ARVCF: variants seen among roughly 807,000 people sequenced by gnomAD.
ARVCF encodes the protein splicing regulator ARVCF.
ARVCF carries 66 observed loss-of-function variants against 90.9 expected under a neutral mutation model. The observed-to-expected ratio is 0.73, with a 90% CI of 0.60 to 0.89. The LOEUF (loss-of-function observed/expected upper bound fraction) is 0.89, where lower values mean the gene tolerates loss of function less well. ARVCF is among the 40% of genes least tolerant of loss of function. ARVCF has a pLI of 0.00. For missense variants in ARVCF, 1,469 were observed against 1,382.3 expected (o/e 1.06, Z -1.00); for synonymous variants, 653 against 603.4 (o/e 1.08, Z -1.21).
chr22:20,003,864 A>C (rs1944526392), intron 2 of ARVCF, among the ~76,000 whole-genome samples: 1 of 134,208 alleles, frequency 7.5e-6, no homozygotes, highest in Non-Finnish European at 1.5e-5. Context: ...GAAGTTTTAG[A>C]CAGAGTAATT....
chr22:19,974,383 A>G (rs1943030195), intron 11 of ARVCF, 144 bp from the exon 12 acceptor site: 2 of 1,007,288 alleles, frequency 2.0e-6, no homozygotes, highest in Non-Finnish European at 1.4e-6. Flanking sequence ...AATATTTACT[A>G]TCAACATATA....
chr22:19,987,106 C>A, intron 3 of ARVCF: 1 of 560,596 alleles, frequency 1.8e-6, no homozygotes. Context: ...GGCCGGGACT[C>A]GGGGGGCGCT....
intron 2 of ARVCF, among the ~76,000 whole-genome samples, chr22:20,005,897 C>T (rs1041741336): frequency 6.6e-6 from 1 of 151,840 alleles, no homozygotes; most frequent in African/African-American, 2.4e-5. Flanking sequence ...GGGAAGCAAC[C>T]CAAGTGTCCA....
chr22:19,998,235 C>T lies in ARVCF; in HGVS notation c.-18-7423G>A, dbSNP rs2146426352. Among the ~76,000 whole-genome samples the T allele has an allele frequency of 1.3e-5, 2 of 152,346 alleles. 1 individual carries two copies. Among genetic ancestry groups the T allele is most frequent in the South Asian group, 4.1e-4 (2 of 4,832 alleles). ...TGCACAGGGCCGTCCGCCTGCAACG[C>T]CCTTTCCCCCCTCATTGGAAGACGG... On this transcript the variant is annotated intron_variant, in intron 2 of 19. Coordinates refer to ENST00000263207, the MANE Select transcript of ARVCF (RefSeq NM_001670.3).
chr22:19,973,609 G>A (rs750242930), intron 13 of ARVCF, 34 bp downstream of exon 13: 8 of 1,582,512 alleles, frequency 5.1e-6, no homozygotes, highest in Admixed American at 1.7e-5. Context: ...GGCACAGTTC[G>A]GTGCCCAGGC....
Position 19,980,095 on chromosome 22 carries a change from G to A in ARVCF, c.1044C>T (p.Ser348=), listed in dbSNP as rs755715810. The change falls in exon 6 of 20, where the codon AGC becomes AGT. Residue 348 remains serine (S), a synonymous_variant. Transcript: ENST00000263207. ...RLVRRSPSVD[S]ARKEPRWRDP... ...CCCGCCAGCGCGGCTCCTTGCGGGCGCTATCCACTGAGGGCGAGCGCCGCA... is the reference window on the plus strand; with the variant it reads ...CCCGCCAGCGCGGCTCCTTGCGGGCACTATCCACTGAGGGCGAGCGCCGCA... The A allele has an allele frequency of 1.6e-5, 26 of 1,583,938 alleles. No individual in the cohort carries two copies. The highest frequency in any genetic ancestry group is 2.2e-5 in the South Asian group (2 of 89,014).
intron 2 of ARVCF, among the ~76,000 whole-genome samples, chr22:20,007,458 T>C (rs1207435861): frequency 2.6e-5 from 4 of 152,194 alleles, no homozygotes; most frequent in Non-Finnish European, 4.4e-5. Context: ...CAAAGTTAAA[T>C]CCTTGCCGTC....
At chr22:19,987,409 C>T (rs1412627103) in intron 3 of ARVCF, among the ~76,000 whole-genome samples, 6 of 149,804 alleles carry the variant, frequency 4.0e-5, no homozygotes, top group Middle Eastern at 3.4e-3. Flanking sequence ...CACCCACTGC[C>T]GGCCTGGACT....
chr22:20,016,330 A>G (rs989779298), intron 1 of ARVCF, among the ~76,000 whole-genome samples: 17 of 151,970 alleles, frequency 1.1e-4, no homozygotes, highest in Admixed American at 1.0e-3. Flanking sequence ...GTAGGGCCCC[A>G]AGGCCACGCA....
At chr22:20,005,113 G>A (rs1437522105) in intron 2 of ARVCF, among the ~76,000 whole-genome samples, 1 of 152,090 alleles carries the variant, frequency 6.6e-6, no homozygotes, top group Non-Finnish European at 1.5e-5. Context: ...AACAGAATGG[G>A]AGAAAAGATT....
At position 19,974,248 on chromosome 22, in the gene ARVCF, A is replaced by T. The variant is rs1265781419; in HGVS notation, c.1961-9T>A. The T allele has an allele frequency of 6.3e-7, 1 of 1,594,952 alleles. No individual in the cohort carries two copies. The highest frequency in any genetic ancestry group is 8.6e-7 in the Non-Finnish European group (1 of 1,167,582). On this transcript the variant is annotated splice_polypyrimidine_tract_variant and intron_variant, in intron 11 of 19. Coordinates refer to ENST00000263207, the MANE Select transcript of ARVCF (RefSeq NM_001670.3). The stretch of plus-strand genomic sequence containing the variant: ...GTACAGCAGCTCAAAGCCTAGGTGC[A>T]GGGCAACCGCCACCCACGGTCACCC...
At chr22:19,968,926 T>A, downstream of ARVCF, 1 of 600,804 alleles carries the variant, frequency 1.7e-6, no homozygotes. Context: ...TAAGACTCAA[T>A]CATGACTTCT....
intron 7 of ARVCF, among the ~76,000 whole-genome samples, chr22:19,978,285 A>G (rs1010793115): frequency 6.6e-6 from 1 of 152,152 alleles, no homozygotes; most frequent in East Asian, 1.9e-4. Context: ...GCAGACAACT[A>G]TCTTGGCTGG....
At chr22:20,007,921 TA>T (rs2059409932) in intron 2 of ARVCF, among the ~76,000 whole-genome samples, 1 of 152,270 alleles carries the variant, frequency 6.6e-6, no homozygotes, top group Admixed American at 6.5e-5. Context: ...AAAACTAAAG[TA>T]AAAATACCTT....
intron 1 of ARVCF, among the ~76,000 whole-genome samples, chr22:20,016,287 G>C (rs1244051226): frequency 6.6e-6 from 1 of 152,118 alleles, no homozygotes; most frequent in African/African-American, 2.4e-5. Context: ...CGCTCGGCTG[G>C]AGTGCTCAGT....
At chr22:20,004,451 G>A (rs1944548447) in intron 2 of ARVCF, among the ~76,000 whole-genome samples, 1 of 150,014 alleles carries the variant, frequency 6.7e-6, no homozygotes, top group South Asian at 2.1e-4. Context: ...TCACACCATT[G>A]CATTCCAGCC....
At chr22:19,968,686 G>A (rs201407028), downstream of ARVCF, 5 of 1,613,824 alleles carry the variant, frequency 3.1e-6, no homozygotes, top group East Asian at 2.2e-5. Flanking sequence ...GGTGGTGGAC[G>A]GCCTGGAGAA....
intron 3 of ARVCF, chr22:19,987,203 C>T (rs1455417648): frequency 8.0e-6 from 3 of 376,512 alleles, no homozygotes; most frequent in Non-Finnish European, 1.4e-5. Context: ...ACTCGCTCCC[C>T]GCGGGGGCGG....
At chr22:20,015,339 G>A (rs1037097750) in intron 1 of ARVCF, among the ~76,000 whole-genome samples, 4 of 152,174 alleles carry the variant, frequency 2.6e-5, no homozygotes, top group Non-Finnish European at 5.9e-5. Context: ...AAGACTGGGG[G>A]AAATGCCTTC....
Sources: gnomAD v4.1 joint callset for allele counts (sites outside exome capture counted in the v4.1 genomes callset) on GRCh38, gnomAD v4.1.1 for gene constraint, MANE v1.5 for transcripts, NCBI Gene and HGNC (gene_info 2026-07-23, HGNC 2026-07-21) for gene names.